GRM1: variants seen among roughly 807,000 people sequenced by gnomAD.
The protein encoded by GRM1 is glutamate metabotropic receptor 1, also known as metabotropic glutamate receptor 1.
In GRM1, 33 loss-of-function variants were observed where a neutral mutation model predicts 90.9. That is an observed-to-expected ratio of 0.36 (90% CI 0.28 to 0.49). GRM1 has a LOEUF of 0.49. GRM1 is among the 20% of genes least tolerant of loss of function. The pLI is 0.99. For synonymous variants in GRM1, 700 were observed against 613.2 expected (o/e 1.14, Z -2.09); for missense variants, 1,190 against 1,534.3 (o/e 0.78, Z 3.75).
chr6:146,393,994 A>G (rs2114557631), intron 6 of GRM1, among the ~76,000 whole-genome samples: 1 of 152,284 alleles, frequency 6.6e-6, no homozygotes, highest in South Asian at 2.1e-4. Context: ...GACAAACCTG[A>G]CAAAAACAAG....
At chr6:146,126,055 T>G (rs1310792488) in intron 1 of GRM1, among the ~76,000 whole-genome samples, 1 of 152,096 alleles carries the variant, frequency 6.6e-6, no homozygotes, top group East Asian at 1.9e-4. Context: ...AAAATGATTT[T>G]CAGAACCAAA....
At chr6:146,359,238 A>G (rs1333499898) in intron 5 of GRM1, among the ~76,000 whole-genome samples, 1 of 152,240 alleles carries the variant, frequency 6.6e-6, no homozygotes, top group Non-Finnish European at 1.5e-5. Context: ...TCTGAAATCC[A>G]CAGGCCCCAC....
chr6:146,336,100 G>T (rs1784763288), intron 3 of GRM1, among the ~76,000 whole-genome samples: 1 of 152,092 alleles, frequency 6.6e-6, no homozygotes, highest in African/African-American at 2.4e-5. Flanking sequence ...CCCAGTCTTG[G>T]GTATGTCTCT....
At chr6:146,085,371 A>C (rs1776506158) in intron 1 of GRM1, among the ~76,000 whole-genome samples, 1 of 152,190 alleles carries the variant, frequency 6.6e-6, no homozygotes, top group Non-Finnish European at 1.5e-5. Context: ...CCTCAAAGAA[A>C]AATGGAGAAA....
intron 2 of GRM1, among the ~76,000 whole-genome samples, chr6:146,291,174 G>A (rs746179000): frequency 6.6e-6 from 1 of 151,734 alleles, no homozygotes; most frequent in African/African-American, 2.4e-5. Context: ...CATTTCCCTG[G>A]TATGCTTTTG....
chr6:146,262,587 A>T (rs1414752394), intron 2 of GRM1, among the ~76,000 whole-genome samples: 2 of 151,966 alleles, frequency 1.3e-5, no homozygotes, highest in Admixed American at 6.6e-5. Context: ...CAAAATAAGA[A>T]TGTATATATT....
intron 1 of GRM1, among the ~76,000 whole-genome samples, chr6:146,066,341 G>A (rs143874159): frequency 2.2e-3 from 331 of 152,180 alleles, no homozygotes; most frequent in African/African-American, 6.0e-3. Context: ...CTGTTTCTGC[G>A]TTAGTTCATG....
At chr6:146,231,917 T>A (rs1780463716) in intron 2 of GRM1, among the ~76,000 whole-genome samples, 2 of 152,094 alleles carry the variant, frequency 1.3e-5, no homozygotes, top group African/African-American at 4.8e-5. Context: ...TAAGCGTACA[T>A]CTTAGCCTCA....
chr6:146,129,520 T>C (rs946170587), intron 1 of GRM1, among the ~76,000 whole-genome samples: 9 of 152,172 alleles, frequency 5.9e-5, no homozygotes, highest in Admixed American at 2.0e-4. Flanking sequence ...ATGGCAGGTG[T>C]TACTGCAGTT....
intron 5 of GRM1, among the ~76,000 whole-genome samples, chr6:146,367,993 G>A (rs111536820): frequency 0.022 from 3,274 of 152,062 alleles, 110 homozygotes; most frequent in African/African-American, 0.075. Context: ...TCTTCCAAGC[G>A]TGAACATGGA....
At chr6:146,075,260 C>T (rs980800280) in intron 1 of GRM1, among the ~76,000 whole-genome samples, 1 of 152,174 alleles carries the variant, frequency 6.6e-6, no homozygotes, top group Admixed American at 6.6e-5. Context: ...GTGTTACACT[C>T]TAAAATAATA....
At chr6:146,060,729 A>G (rs1025997114) in intron 1 of GRM1, among the ~76,000 whole-genome samples, 1 of 152,086 alleles carries the variant, frequency 6.6e-6, no homozygotes, top group Non-Finnish European at 1.5e-5. Flanking sequence ...GGGTGTCTTT[A>G]TGGTAGAATG....
chr6:146,415,450 T>G (rs1184169205), intron 7 of GRM1, among the ~76,000 whole-genome samples: 1 of 152,248 alleles, frequency 6.6e-6, no homozygotes. Flanking sequence ...TTCACCCAGA[T>G]AAATTTTTGA....
intron 7 of GRM1, among the ~76,000 whole-genome samples, chr6:146,403,390 G>T (rs1357085618): frequency 6.6e-6 from 1 of 152,060 alleles, no homozygotes; most frequent in East Asian, 1.9e-4. Context: ...GCAAAATTGT[G>T]TACAAAACTA....
At chr6:146,106,385 G>C (rs548159984) in intron 1 of GRM1, among the ~76,000 whole-genome samples, 1 of 152,132 alleles carries the variant, frequency 6.6e-6, no homozygotes. Context: ...TTTCATCATA[G>C]ATAGTAGGAA....
intron 3 of GRM1, among the ~76,000 whole-genome samples, chr6:146,324,565 G>C (rs1784334104): frequency 1.3e-5 from 2 of 152,176 alleles, no homozygotes; most frequent in Admixed American, 6.5e-5. Flanking sequence ...GGGCATCTGA[G>C]GGAATCTCCT....
chr6:146,212,719 C>T (rs932194885), intron 2 of GRM1, among the ~76,000 whole-genome samples: 6 of 152,132 alleles, frequency 3.9e-5, no homozygotes, highest in African/African-American at 1.4e-4. Flanking sequence ...CCCCTACAAA[C>T]TCAGTTCAAA....
intron 1 of GRM1, among the ~76,000 whole-genome samples, chr6:146,056,548 T>TTCTAACTGGAC (rs1184978131): frequency 6.6e-6 from 1 of 152,138 alleles, no homozygotes; most frequent in East Asian, 1.9e-4. Context: ...AGAACTGGAC[T>TTCTAACTGGAC]TCCTGGGTTC....
chr6:146,352,481 G>C lies in GRM1; in HGVS notation c.1418G>C (p.Gly473Ala). 1 of 1,613,888 alleles carries C rather than the reference G, an allele frequency of 6.2e-7. No homozygotes were observed. The highest frequency in any genetic ancestry group is 8.5e-7 in the Non-Finnish European group (1 of 1,179,870). ...GAGGAGGTGTGGTTTGATGAGAAAG[G>C]AGACGCTCCTGGAAGGTAATCTTTT... ...SGEEVWFDEK[G>A]DAPGRYDIMN... The change falls in exon 4 of 8, where the codon GGA becomes GCA. Residue 473 changes from glycine to alanine, a missense_variant. Around this residue, in one of 10 missense-constraint regions of GRM1, gnomAD observed 414 missense variants for 598.4 expected, o/e 0.69. Coordinates refer to ENST00000282753, the MANE Select transcript of GRM1 (RefSeq NM_001278064.2).
Sources: allele counts gnomAD v4.1 joint callset (sites outside exome capture counted in the v4.1 genomes callset), GRCh38; gene constraint gnomAD v4.1.1; regional missense constraint gnomAD v4.1.1; transcripts MANE v1.5; gene names NCBI Gene and HGNC (gene_info 2026-07-23, HGNC 2026-07-21).